The following FAM184B variants were observed in gnomAD, a reference collection of about 807,000 sequenced individuals.
FAM184B encodes protein FAM184B.
FAM184B carries 111 observed loss-of-function variants against 135.9 expected under a neutral mutation model. The ratio of observed to expected loss-of-function variants is 0.82; its 90% CI spans 0.70 to 0.96. FAM184B has a LOEUF of 0.96. Ranked by LOEUF, FAM184B falls within the 40% of genes least tolerant of loss-of-function variation. The pLI, the probability that FAM184B is intolerant of heterozygous loss-of-function variation, is 0.00. For missense variants in FAM184B, 1,375 were observed against 1,323.9 expected (o/e 1.04, Z -0.60); for synonymous variants, 552 against 524.8 (o/e 1.05, Z -0.71).
chr4:17,701,704 T>A (rs1363041547), intron 5 of FAM184B, among the ~76,000 whole-genome samples: 1 of 152,210 alleles, frequency 6.6e-6, no homozygotes. Flanking sequence ...ACTTGGCACC[T>A]GCAGTATCCA....
intron 7 of FAM184B, among the ~76,000 whole-genome samples, chr4:17,676,294 C>A (rs1266539464): frequency 2.0e-5 from 3 of 152,106 alleles, no homozygotes; most frequent in Non-Finnish European, 1.5e-5. Context: ...TGGAACACAA[C>A]CAGAACACAT....
intron 7 of FAM184B, among the ~76,000 whole-genome samples, chr4:17,676,472 C>T (rs551775025): frequency 6.6e-6 from 1 of 152,170 alleles, no homozygotes; most frequent in Admixed American, 6.5e-5. Context: ...CACAGAGACA[C>T]GAAGTGTATT....
intron 1 of FAM184B, among the ~76,000 whole-genome samples, chr4:17,748,506 T>G (rs1718224658): frequency 5.1e-4 from 1 of 1,960 alleles, no homozygotes; most frequent in Non-Finnish European, 6.8e-3. Flanking sequence ...TCTTGTGTAA[T>G]TTTTTTTTTT....
intron 6 of FAM184B, among the ~76,000 whole-genome samples, chr4:17,689,970 G>A (rs948742194): frequency 1.2e-4 from 18 of 151,882 alleles, no homozygotes; most frequent in Non-Finnish European, 2.1e-4. Flanking sequence ...CCAACATGGC[G>A]AAACCCCATC....
intron 7 of FAM184B, among the ~76,000 whole-genome samples, chr4:17,673,645 A>G (rs902838104): frequency 6.6e-6 from 1 of 152,192 alleles, no homozygotes; most frequent in African/African-American, 2.4e-5. Flanking sequence ...ATATTATTCT[A>G]AGTGAAATAA....
chr4:17,697,638 C>T (rs943579327), intron 5 of FAM184B, among the ~76,000 whole-genome samples: 22 of 152,276 alleles, frequency 1.4e-4, no homozygotes, highest in African/African-American at 5.1e-4. Context: ...TCCATAGAAG[C>T]TTTTATTGAA....
At chr4:17,685,995 T>A (rs1403315040) in intron 7 of FAM184B, among the ~76,000 whole-genome samples, 1 of 152,204 alleles carries the variant, frequency 6.6e-6, no homozygotes, top group African/African-American at 2.4e-5. Flanking sequence ...TGCATTTTTT[T>A]ATTCAGTCTC....
chr4:17,641,189 C>T (rs1402588799), intron 13 of FAM184B, among the ~76,000 whole-genome samples: 1 of 152,106 alleles, frequency 6.6e-6, no homozygotes, highest in Non-Finnish European at 1.5e-5. Flanking sequence ...CTGCCTCAGC[C>T]TCCCAAAGTA....
At chr4:17,756,192 C>A (rs1185912949) in intron 1 of FAM184B, among the ~76,000 whole-genome samples, 1 of 152,092 alleles carries the variant, frequency 6.6e-6, no homozygotes. Flanking sequence ...ATGGCTGAAT[C>A]CAGATCTAGA....
At chr4:17,708,071 CAT>C (rs1717157298) in intron 2 of FAM184B, among the ~76,000 whole-genome samples, 1 of 152,140 alleles carries the variant, frequency 6.6e-6, no homozygotes, top group African/African-American at 2.4e-5. Context: ...GTGGGGCTCA[CAT>C]AACTGAATCA....
At chr4:17,639,452 G>A (rs968106032) in intron 13 of FAM184B, 56 bp from the exon 14 acceptor site, 73 of 1,537,780 alleles carry the variant, frequency 4.7e-5, no homozygotes, top group Non-Finnish European at 1.8e-5. Context: ...GGCACCCCTT[G>A]GGCTCTGGGG....
intron 1 of FAM184B, among the ~76,000 whole-genome samples, chr4:17,767,332 A>G (rs896503336): frequency 6.6e-5 from 10 of 152,174 alleles, no homozygotes; most frequent in Admixed American, 3.9e-4. Flanking sequence ...CGAGCCAGCT[A>G]GGGCTGCCAG....
intron 1 of FAM184B, among the ~76,000 whole-genome samples, chr4:17,767,339 CCAGGGCTGCCAGCAT>C (rs1375142009): frequency 6.6e-6 from 1 of 152,144 alleles, no homozygotes; most frequent in African/African-American, 2.4e-5. Context: ...GCTAGGGCTG[CCAGGGCTGCCAGCAT>C]GCTGTCACCT....
intron 1 of FAM184B, among the ~76,000 whole-genome samples, chr4:17,768,080 A>G (rs1411203075): frequency 6.6e-6 from 1 of 152,254 alleles, no homozygotes; most frequent in Non-Finnish European, 1.5e-5. Flanking sequence ...TTAGAATTAC[A>G]TATAATTTTC....
At chr4:17,737,547 A>G in intron 1 of FAM184B, among the ~76,000 whole-genome samples, 1 of 152,308 alleles carries the variant, frequency 6.6e-6, no homozygotes, top group Non-Finnish European at 1.5e-5. Context: ...AGATAAACAT[A>G]TTCATAGAAT....
At chr4:17,703,119 TG>T (rs1357062258) in intron 5 of FAM184B, among the ~76,000 whole-genome samples, 1 of 152,216 alleles carries the variant, frequency 6.6e-6, no homozygotes, top group Non-Finnish European at 1.5e-5. Context: ...AGACTAAATG[TG>T]TTCTAAAGTA....
chr4:17,737,369 C>CTT (rs981928165), intron 1 of FAM184B, among the ~76,000 whole-genome samples: 3 of 143,896 alleles, frequency 2.1e-5, no homozygotes, highest in African/African-American at 5.1e-5. Context: ...GAACAGTGTT[C>CTT]TTTTTTTTTT....
At chr4:17,759,525 C>G (rs1365748053) in intron 1 of FAM184B, among the ~76,000 whole-genome samples, 1 of 151,696 alleles carries the variant, frequency 6.6e-6, no homozygotes, top group Non-Finnish European at 1.5e-5. Context: ...TTTTTTGAGA[C>G]AGAGTTTTGC....
At chr4:17,651,969 G>A (rs972334531) in intron 11 of FAM184B, among the ~76,000 whole-genome samples, 5 of 152,080 alleles carry the variant, frequency 3.3e-5, no homozygotes, top group Non-Finnish European at 5.9e-5. Flanking sequence ...CCAATTTGCC[G>A]AAATCTTCAG....
Sources: allele counts gnomAD v4.1 joint callset (sites outside exome capture counted in the v4.1 genomes callset), GRCh38; gene constraint gnomAD v4.1.1; transcripts MANE v1.5; gene names NCBI Gene and HGNC (gene_info 2026-07-23, HGNC 2026-07-21).